The following TYW1 variants were observed in gnomAD, a reference collection of about 807,000 sequenced individuals.
TYW1 encodes the protein tRNA-yW synthesizing protein 1 homolog, also known as S-adenosyl-L-methionine-dependent tRNA 4-demethylwyosine synthase TYW1.
A neutral mutation model predicts 96.2 loss-of-function variants in TYW1; 46 were observed. That is an observed-to-expected ratio of 0.48 (90% CI 0.38 to 0.61). The LOEUF is 0.61. Among genes scored for constraint, TYW1 ranks in the 20% least tolerant of loss-of-function variants. TYW1 has a pLI of 0.00. For missense variants in TYW1, 684 were observed against 909.6 expected (o/e 0.75, Z 3.19); for synonymous variants, 274 against 323.0 (o/e 0.85, Z 1.63).
intron 13 of TYW1, among the ~76,000 whole-genome samples, chr7:67,159,949 C>T (rs113791626): frequency 4.7e-5 from 7 of 149,634 alleles, no homozygotes; most frequent in South Asian, 4.3e-4. Context: ...TACAGGCGCC[C>T]GCCACCACGC....
intron 11 of TYW1, among the ~76,000 whole-genome samples, chr7:67,096,245 C>T (rs1157104113): frequency 6.6e-6 from 1 of 152,040 alleles, no homozygotes; most frequent in African/African-American, 2.4e-5. Context: ...AAAAAATTAG[C>T]CGGGCATGGT....
chr7:67,078,238 G>C (rs1796265583), intron 10 of TYW1, among the ~76,000 whole-genome samples: 1 of 150,762 alleles, frequency 6.6e-6, no homozygotes, highest in Admixed American at 6.7e-5. Context: ...AGAGATTACA[G>C]GTGCCTGCCA....
chr7:67,048,753 G>A (rs534370694), intron 7 of TYW1, among the ~76,000 whole-genome samples: 95 of 152,178 alleles, frequency 6.2e-4, no homozygotes, highest in Non-Finnish European at 7.5e-4. Context: ...TTTCTTAAGT[G>A]TTTCTTTTTC....
chr7:67,124,377 T>C (rs771866455), intron 13 of TYW1, among the ~76,000 whole-genome samples: 1 of 152,056 alleles, frequency 6.6e-6, no homozygotes, highest in Admixed American at 6.6e-5. Flanking sequence ...GGGATACAGA[T>C]GTGCTCCACC....
intron 8 of TYW1, among the ~76,000 whole-genome samples, chr7:67,052,353 T>C (rs1372584085): frequency 1.3e-5 from 2 of 152,192 alleles, no homozygotes; most frequent in African/African-American, 4.8e-5. Context: ...AAGTTCTTTC[T>C]TCTGTCTCAC....
intron 11 of TYW1, among the ~76,000 whole-genome samples, chr7:67,083,801 G>A (rs1796454115): frequency 6.6e-6 from 1 of 152,236 alleles, no homozygotes; most frequent in Non-Finnish European, 1.5e-5. Flanking sequence ...TTGGGAGGCC[G>A]AGGCGGGTGG....
intron 7 of TYW1, among the ~76,000 whole-genome samples, chr7:67,028,793 A>T (rs1439554818): frequency 6.6e-6 from 1 of 152,124 alleles, no homozygotes; most frequent in African/African-American, 2.4e-5. Context: ...CCTTAAAGAT[A>T]CAGCTTCATT....
At chr7:67,233,656 C>T (rs1302124820) in intron 15 of TYW1, among the ~76,000 whole-genome samples, 2 of 136,292 alleles carry the variant, frequency 1.5e-5, no homozygotes, top group Non-Finnish European at 3.2e-5. Context: ...TCAGATTTTA[C>T]GATTTGGGGT....
At chr7:67,215,924 C>T (rs1801185528) in intron 15 of TYW1, among the ~76,000 whole-genome samples, 1 of 152,164 alleles carries the variant, frequency 6.6e-6, no homozygotes. Flanking sequence ...GGTGGGTCTG[C>T]CTTCCCCAGC....
At chr7:67,046,208 A>G (rs1485136381) in intron 7 of TYW1, among the ~76,000 whole-genome samples, 1 of 152,178 alleles carries the variant, frequency 6.6e-6, no homozygotes, top group Non-Finnish European at 1.5e-5. Context: ...TGATTGGCGC[A>G]TGCCCTGAGG....
chr7:67,049,871 C>G, intron 7 of TYW1, 78 bp from the exon 8 acceptor site: 1 of 1,559,374 alleles, frequency 6.4e-7, no homozygotes, highest in Non-Finnish European at 8.8e-7. Context: ...TTTATTGATG[C>G]TAGGTGTTCA....
intron 13 of TYW1, among the ~76,000 whole-genome samples, chr7:67,119,251 C>A (rs1563023624): frequency 6.6e-6 from 1 of 152,088 alleles, no homozygotes; most frequent in African/African-American, 2.4e-5. Flanking sequence ...GTCCTCATGG[C>A]ATCTGAGATC....
intron 10 of TYW1, among the ~76,000 whole-genome samples, chr7:67,073,324 G>T (rs1319567253): frequency 3.9e-5 from 6 of 152,130 alleles, no homozygotes; most frequent in Non-Finnish European, 8.8e-5. Context: ...TGGGGACGTT[G>T]CTAAGCATTC....
chr7:67,154,665 T>C (rs1360515747), intron 13 of TYW1, among the ~76,000 whole-genome samples: 1 of 152,190 alleles, frequency 6.6e-6, no homozygotes, highest in African/African-American at 2.4e-5. Flanking sequence ...GAAGACCTTT[T>C]TGGATTGAAT....
chr7:67,228,497 C>T (rs1283152193), intron 15 of TYW1, among the ~76,000 whole-genome samples: 1 of 152,210 alleles, frequency 6.6e-6, no homozygotes, highest in Non-Finnish European at 1.5e-5. Flanking sequence ...GGTGGAAACA[C>T]AGCCAAACCA....
rs1793181500 is a variant in TYW1 at position 66,996,871 on chromosome 7, CG to C, written c.-106del. On this transcript the variant is annotated 5_prime_UTR_variant, in exon 1 of 16. It removes the in-frame stop codon of an upstream open reading frame in the 5' UTR. Coordinates refer to ENST00000359626, the MANE Select transcript of TYW1 (RefSeq NM_018264.4). The stretch of plus-strand genomic sequence containing the variant: ...GGCTGCCCACAGGTCTGCAGGCACT[CG>C]GTACGCCGCTAACGCGGCGAGGTAG... 6.3e-7 allele frequency: 1 copy of C among 1,582,900 alleles called. No homozygotes were observed. The highest frequency in any genetic ancestry group is 1.3e-5 in the African/African-American group (1 of 74,542).
intron 11 of TYW1, among the ~76,000 whole-genome samples, chr7:67,087,280 A>G (rs80115945): frequency 0.04 from 6,143 of 152,302 alleles, 179 homozygotes; most frequent in Middle Eastern, 0.1. Context: ...TGTCCTGTGC[A>G]GAAAGGGGTG....
intron 15 of TYW1, among the ~76,000 whole-genome samples, chr7:67,224,789 C>T (rs148110214): frequency 0.016 from 2,413 of 152,242 alleles, 32 homozygotes; most frequent in Admixed American, 0.044. Flanking sequence ...TTAAGGTTAC[C>T]GTGGTGAGCA....
At chr7:67,128,483 A>G (rs1797970803) in intron 13 of TYW1, among the ~76,000 whole-genome samples, 1 of 152,156 alleles carries the variant, frequency 6.6e-6, no homozygotes, top group Admixed American at 6.5e-5. Flanking sequence ...GGGTTATCCC[A>G]ACATCCCTGC....
Sources: gnomAD v4.1 joint callset for allele counts (sites outside exome capture counted in the v4.1 genomes callset) on GRCh38, gnomAD v4.1.1 for gene constraint, MANE v1.5 for transcripts, NCBI Gene and HGNC (gene_info 2026-07-23, HGNC 2026-07-21) for gene names.